HOXB9: variants seen among roughly 807,000 people sequenced by gnomAD.
HOXB9 encodes homeobox protein Hox-B9.
A neutral mutation model predicts 21.5 loss-of-function variants in HOXB9; 10 were observed. The observed-to-expected ratio is 0.47, with a 90% confidence interval of 0.29 to 0.79. The LOEUF (loss-of-function observed/expected upper bound fraction) is 0.79. Among genes scored for constraint, HOXB9 ranks in the 30% least tolerant of loss-of-function variants. The probability of loss-of-function intolerance (pLI) is 0.10; values close to 1 mark genes in which losing one functional copy is unlikely to be tolerated. For synonymous variants in HOXB9, 156 were observed against 151.2 expected (o/e 1.03, Z -0.23); for missense variants, 375 against 338.7 (o/e 1.11, Z -0.84).
Position 48,625,799 on chromosome 17 carries a change from G to T in HOXB9, c.471C>A (p.Asp157Glu), listed in dbSNP as rs1438960795. ...VLSNQRPGYG[D>E]NKICEGSEDK... ...CCTCGCTTCCTTCGCAAATTTTATTGTCCCCGTAGCCGGGTCTTTGATTAG... is the reference window on the plus strand; with the variant it reads ...CCTCGCTTCCTTCGCAAATTTTATTTTCCCCGTAGCCGGGTCTTTGATTAG... The change falls in exon 1 of 2, where the codon GAC (aspartate) becomes GAA (glutamate). Residue 157 changes from aspartate to glutamate, a missense_variant. Asp to Glu is a conservative substitution (Grantham distance 45). Coordinates refer to ENST00000311177, the MANE Select transcript of HOXB9 (RefSeq NM_024017.5). 1 of 1,604,018 alleles carries T rather than the reference G, an allele frequency of 6.2e-7. No homozygotes were observed. Among genetic ancestry groups the T allele is most frequent in the Admixed American group, 1.7e-5 (1 of 58,234 alleles).
rs775246519 is a variant in HOXB9, at chr17:48,623,008, C to T, written c.645G>A (p.Arg215=). The part of the protein sequence containing the change: ...LFNMYLTRDR[R]HEVARLLNLS... ...GATTGAGGAGTCTGGCCACTTCGTG[C>T]CTACGGTCCCTGGTGAGGTACATAT... The change falls in exon 2 of 2, where the codon AGG becomes AGA. Residue 215 remains arginine (R), a synonymous_variant. Transcript: ENST00000311177. 2 of 1,614,246 alleles carry T rather than the reference C, an allele frequency of 1.2e-6. No homozygotes were observed. The highest frequency in any genetic ancestry group is 1.7e-6 in the Non-Finnish European group (2 of 1,180,026).
At position 48,626,237 on chromosome 17, in the gene HOXB9, A is replaced by G. The variant is rs1395714632; in HGVS notation, c.33T>C (p.Tyr11=). Residue 11 remains tyrosine, a synonymous_variant, in exon 1 of 2, where the codon TAT becomes TAC. Coordinates refer to ENST00000311177, the MANE Select transcript of HOXB9 (RefSeq NM_024017.5). ...TCTCGTGACTTATGATCGAGTCGAC[A>G]TAATAGCTGCTAAGCGTCCCAGAAA... MSISGTLSSY[Y]VDSIISHESE... 1.3e-6 allele frequency: 2 copies of G among 1,596,922 alleles called. No individual in the cohort carries two copies. Among genetic ancestry groups the G allele is most frequent in the African/African-American group, 1.3e-5 (1 of 74,886 alleles).
chr17:48,626,202 G>C lies in HOXB9; in HGVS notation c.68C>G (p.Ala23Gly). The C allele has an allele frequency of 6.3e-7, 1 of 1,599,288 alleles. No homozygotes were observed. Among genetic ancestry groups the C allele is most frequent in the Non-Finnish European group, 8.5e-7 (1 of 1,179,710 alleles). ...DSIISHESEDAPPAKFPSGQY... is the reference protein window; with the variant it reads ...DSIISHESEDGPPAKFPSGQY... ...GCCAGAAGGAAACTTGGCTGGAGGC[G>C]CGTCCTCACTCTCGTGACTTATGAT... Residue 23 changes from alanine to glycine, a missense_variant, in exon 1 of 2, where the codon GCG (alanine) becomes GGG (glycine). By Grantham distance (60) the Ala-to-Gly change is moderately conservative (BLOSUM62 0). Transcript: ENST00000311177.
At position 48,623,109 on chromosome 17, in the gene HOXB9, C is replaced by T. The variant is rs1291560837; in HGVS notation, c.544G>A (p.Ala182Thr). The T allele has an allele frequency of 6.2e-6, 10 of 1,613,486 alleles. No individual in the cohort carries two copies. Among genetic ancestry groups the T allele is most frequent in the East Asian group, 2.2e-5 (1 of 44,874 alleles). The change falls in exon 2 of 2, where the codon GCT (alanine) becomes ACT (threonine). Residue 182 changes from alanine (A) to threonine (T), a missense_variant. Transcript: ENST00000311177. ...CAGCGCTTTTTCCGGGAAGAGCGAG[C>T]GTGCAGCCAGTTGGCGGAGGGGTTG... is the stretch of plus-strand genomic sequence containing the variant. ...QTNPSANWLH[A>T]RSSRKKRCPY...
Position 48,625,898 on chromosome 17 carries a change from C to T in HOXB9, c.372G>A (p.Ala124=), listed in dbSNP as rs757125838. Residue 124 remains alanine, a synonymous_variant, in exon 1 of 2, where the codon GCG becomes GCA. Coordinates refer to ENST00000311177, the MANE Select transcript of HOXB9 (RefSeq NM_024017.5). ...TGCCCTGTTTGAGCAGCTCCCCAGG[C>T]GCGCCCAGCAGCGGCTCCGCCTTCA... ...AAVKAEPLLG[A]PGELLKQGTP... The T allele has an allele frequency of 3.1e-6, 5 of 1,596,380 alleles. No individual in the cohort carries two copies. Among genetic ancestry groups the T allele is most frequent in the East Asian group, 2.3e-5 (1 of 42,898 alleles).
At position 48,626,142 on chromosome 17, in the gene HOXB9, T is replaced by G; in HGVS notation, c.128A>C (p.Glu43Ala). The change falls in exon 1 of 2, where the codon GAG becomes GCG. Residue 43 changes from glutamate (E) to alanine (A), a missense_variant. Physicochemically the swap from Glu to Ala is moderately radical, Grantham distance 107. Transcript: ENST00000311177. ...YASSRQPGHA[E>A]HLEFPSCSFQ... ...GCTGCACGAGGGGAACTCCAGGTGC[T>G]CCGCGTGGCCCGGCTGCCGCGAGCT... The G allele has an allele frequency of 1.3e-6, 2 of 1,593,736 alleles. No individual in the cohort carries two copies. The highest frequency in any genetic ancestry group is 1.7e-6 in the Non-Finnish European group (2 of 1,176,792).
chr17:48,625,746 A>G lies in HOXB9; in HGVS notation c.517+7T>C, dbSNP rs373579346. 4 of 1,546,438 alleles carry G rather than the reference A, an allele frequency of 2.6e-6. No homozygotes were observed. In the African/African-American group the frequency reaches 5.6e-5, roughly 22 times the overall value. On this transcript the variant is annotated splice_region_variant and intron_variant, in intron 1 of 1. Coordinates refer to ENST00000311177, the MANE Select transcript of HOXB9 (RefSeq NM_024017.5). ...GCCTGGGTATTTCCTCACTTTTTAT[A>G]ACTTACTTTGATCCGGCCTCTCTTT...
chr17:48,625,702 GC>G, intron 1 of HOXB9, 50 bp downstream of exon 1: 1 of 1,365,530 alleles, frequency 7.3e-7, no homozygotes, highest in Non-Finnish European at 9.5e-7. Flanking sequence ...TCCCCTCCCC[GC>G]CCCCCTCCTG....
In HOXB9 at chr17:48,625,801, C is replaced by A. The variant is rs745570627; in HGVS notation, c.469G>T (p.Asp157Tyr). 4 of 1,607,600 alleles carry A rather than the reference C, an allele frequency of 2.5e-6. No homozygotes were observed. The Admixed American group carries it at 6.8e-5, about 27-fold the overall frequency. Residue 157 changes from aspartate (D) to tyrosine (Y), a missense_variant, in exon 1 of 2, where the codon GAC (aspartate) becomes TAC (tyrosine). Physicochemically the swap from Asp to Tyr is radical, Grantham distance 160. Coordinates refer to ENST00000311177, the MANE Select transcript of HOXB9 (RefSeq NM_024017.5). ...VLSNQRPGYGDNKICEGSEDK... is the reference protein window; with the variant it reads ...VLSNQRPGYGYNKICEGSEDK... ...TCGCTTCCTTCGCAAATTTTATTGT[C>A]CCCGTAGCCGGGTCTTTGATTAGAC...
At chr17:48,625,684 A>G in intron 1 of HOXB9, 69 bp downstream of exon 1, 1 of 1,414,574 alleles carries the variant, frequency 7.1e-7, no homozygotes, top group Non-Finnish European at 9.3e-7. Context: ...TCCGCAGTTT[A>G]TTGCCTTTCC....
chr17:48,623,654 A>T (rs1309823807), intron 1 of HOXB9, among the ~76,000 whole-genome samples: 2 of 152,104 alleles, frequency 1.3e-5, no homozygotes, highest in African/African-American at 4.8e-5. Context: ...CCTTGATCAC[A>T]AACAAGCTTG....
chr17:48,625,993 T>A lies in HOXB9; in HGVS notation c.277A>T (p.Arg93Trp). Residue 93 changes from arginine (R) to tryptophan (W), a missense_variant, in exon 1 of 2, where the codon AGG becomes TGG. Coordinates refer to ENST00000311177, the MANE Select transcript of HOXB9 (RefSeq NM_024017.5). ...GGCTCCAGCCAGGTGCGGAGGTACCTGCTCTCGGCCGGCGGGACGCCCTGG... is the reference window on the plus strand; with the variant it reads ...GGCTCCAGCCAGGTGCGGAGGTACCAGCTCTCGGCCGGCGGGACGCCCTGG... ...QPQGVPPAESRYLRTWLEPAP... is the reference protein window; with the variant it reads ...QPQGVPPAESWYLRTWLEPAP... The A allele has an allele frequency of 6.4e-7, 1 of 1,552,504 alleles. No homozygotes were observed.
At chr17:48,625,602 C>T in intron 1 of HOXB9, 151 bp downstream of exon 1, 1 of 959,058 alleles carries the variant, frequency 1.0e-6, no homozygotes, top group East Asian at 2.9e-5. Flanking sequence ...CCCCTTCCCT[C>T]CGTCTTTCCT....
At chr17:48,624,320 G>A (rs1244742684) in intron 1 of HOXB9, among the ~76,000 whole-genome samples, 2 of 152,120 alleles carry the variant, frequency 1.3e-5, no homozygotes, top group African/African-American at 4.8e-5. Flanking sequence ...GATGGGACCC[G>A]CAGCCGCATT....
In HOXB9 at chr17:48,621,678, G is replaced by A. The variant is rs557812946; in HGVS notation, c.*1222C>T. 8 of 152,418 alleles carry A rather than the reference G, an allele frequency of 5.2e-5. No homozygotes were observed. The highest frequency in any genetic ancestry group is 1.9e-4 in the African/African-American group (8 of 41,594). The allele number at this position is 152,418 out of a possible 1,614,324, so 9.4% of individuals were successfully genotyped here. A position where few individuals can be genotyped will look rare whatever the true frequency, so the allele number is the denominator to read the frequency against. Reference sequence around the variant, plus strand: ...GCTTCTCTGCGTGGGTCGAGAAGCCGACGGGATTCGGAGGAACGCGCAGAG... The same window carrying A: ...GCTTCTCTGCGTGGGTCGAGAAGCCAACGGGATTCGGAGGAACGCGCAGAG... On this transcript the variant is annotated 3_prime_UTR_variant, in exon 2 of 2. Transcript: ENST00000311177.
At chr17:48,623,209 G>T (rs1363079061) in intron 1 of HOXB9, 74 bp from the exon 2 acceptor site, 28 of 1,179,404 alleles carry the variant, frequency 2.4e-5, no homozygotes, top group Non-Finnish European at 3.4e-5. Context: ...GCACTCCCTT[G>T]GTCTCCACTC....
rs1309150188 is a variant in HOXB9 at position 48,622,209 on chromosome 17, G to A, written c.*691C>T. On this transcript the variant is annotated 3_prime_UTR_variant, in exon 2 of 2. Coordinates refer to ENST00000311177, the MANE Select transcript of HOXB9 (RefSeq NM_024017.5). ...GTACTTTCTAGCCCACCGGCTTGGG[G>A]GCTAGGTTTGCTCCATCTTCCCCAT... is the stretch of plus-strand genomic sequence containing the variant. 1 of 152,628 alleles carries A rather than the reference G, an allele frequency of 6.6e-6. No homozygotes were observed. The highest frequency in any genetic ancestry group is 2.4e-5 in the African/African-American group (1 of 41,456). 9.5% of individuals were successfully genotyped at this position (152,628 alleles called of 1,614,324 possible).
chr17:48,624,971 A>C (rs1212067684), intron 1 of HOXB9, among the ~76,000 whole-genome samples: 1 of 152,096 alleles, frequency 6.6e-6, no homozygotes, highest in Non-Finnish European at 1.5e-5. Flanking sequence ...CGACTCCCCA[A>C]GAGGCGGACA....
chr17:48,623,517 C>T (rs1332099729), intron 1 of HOXB9, among the ~76,000 whole-genome samples: 1 of 152,168 alleles, frequency 6.6e-6, no homozygotes, highest in African/African-American at 2.4e-5. Flanking sequence ...CCTGAAGGGT[C>T]CTGGCTCTAG....
Sources: allele counts gnomAD v4.1 joint callset (sites outside exome capture counted in the v4.1 genomes callset), GRCh38; gene constraint gnomAD v4.1.1; transcripts MANE v1.5; gene names NCBI Gene and HGNC (gene_info 2026-07-23, HGNC 2026-07-21).